The following TTN variants were observed in gnomAD, a reference collection of about 807,000 sequenced individuals.
TTN encodes the protein connectin.
A neutral mutation model predicts 3,223.0 loss-of-function variants in TTN; 1,525 were observed. That is an observed-to-expected ratio of 0.47 (90% confidence interval 0.45 to 0.49). The LOEUF is 0.49. TTN is among the 20% of genes least tolerant of loss of function. The probability of loss-of-function intolerance (pLI) is 0.00; values close to 1 mark genes in which losing one functional copy is unlikely to be tolerated. For synonymous variants in TTN, 14,094 were observed against 15,161.0 expected (o/e 0.93, Z 5.17); for missense variants, 40,786 against 43,424.0 (o/e 0.94, Z 5.40).
rs565791174 is a variant in TTN, at chr2:178,775,571, C to T, written c.6293G>A (p.Arg2098Gln). 21 of 1,614,040 alleles carry T rather than the reference C, an allele frequency of 1.3e-5. No homozygotes were observed. The highest frequency in any genetic ancestry group is 8.9e-5 in the East Asian group (4 of 44,844). The change falls in exon 28 of 363, where the codon CGG (arginine) becomes CAG (glutamine). Residue 2098 changes from arginine (R) to glutamine (Q), a missense_variant. Transcript: ENST00000589042. ...GTCTGGTTTCCCCACGACTCTGACC[C>T]GGAAGTGTGCATCAGATCCTTGGCC... The part of the protein sequence containing the change: ...TVGQGSDAHF[R>Q]VRVVGKPDPE...
At position 178,652,141 on chromosome 2, in the gene TTN, C is replaced by A. The variant is rs72650062; in HGVS notation, c.39250G>T (p.Val13084Leu). ...VPKVAVPEKK[V>L]PEAIPPKPES... ...GGTTTGGGAGGAATAGCTTCAGGCA[C>A]CTTCTTTTCTGGGACAGCTACCTTT... The change falls in exon 204 of 363, where the codon GTG (valine) becomes TTG (leucine). Residue 13084 changes from valine (V) to leucine (L), a missense_variant. Physicochemically the swap from Val to Leu is conservative, Grantham distance 32. Coordinates refer to ENST00000589042, the MANE Select transcript of TTN (RefSeq NM_001267550.2). The A allele has an allele frequency of 2.5e-5, 40 of 1,612,232 alleles. No homozygotes were observed. In the Admixed American group the frequency reaches 3.3e-4, roughly 13 times the overall value.
At chr2:178,700,992 A>G in intron 111 of TTN, 128 bp downstream of exon 111, 1 of 675,910 alleles carries the variant, frequency 1.5e-6, no homozygotes, top group Non-Finnish European at 2.4e-6. Context: ...TTGAGAAAGT[A>G]ATTTACATTT....
Position 178,664,098 on chromosome 2 carries a change from A to C in TTN, c.36281T>G (p.Val12094Gly), listed in dbSNP as rs1414344202. ...GATAATCTCTTTGGGAGCTTCGTGC[A>C]CTTGAAAGATATTAGTATTTTTACA... ...PQRAEVVPVK[V>G]HEAPKEIIPE... Residue 12094 changes from valine (V) to glycine (G), a missense_variant and splice_region_variant, in exon 169 of 363, where the codon GTG becomes GGG. Physicochemically the swap from Val to Gly is moderately radical, Grantham distance 109. Transcript: ENST00000589042. 2 of 1,608,062 alleles carry C rather than the reference A, an allele frequency of 1.2e-6. No homozygotes were observed. The highest frequency in any genetic ancestry group is 1.7e-5 in the Admixed American group (1 of 58,528).
At chr2:178,595,924 G>T in intron 294 of TTN, 115 bp from the exon 295 acceptor site, 1 of 985,618 alleles carries the variant, frequency 1.0e-6, no homozygotes, top group Non-Finnish European at 1.5e-6. Context: ...AAGGTTTTGT[G>T]TCTACTAATT....
In TTN at chr2:178,618,436, C is replaced by G; in HGVS notation, c.47022G>C (p.Val15674=). 2 of 1,612,474 alleles carry G rather than the reference C, an allele frequency of 1.2e-6. No individual in the cohort carries two copies. The highest frequency in any genetic ancestry group is 1.7e-6 in the Non-Finnish European group (2 of 1,179,130). The change falls in exon 252 of 363, where the codon GTG becomes GTC. Residue 15674 remains valine (V), a synonymous_variant. Transcript: ENST00000589042. ...TTAAAGGTTCTTCCCAAGCAAGGCT[C>G]ACTTCACCATCAAATGTTTCTGTCA... ...LEVTETFDGE[V]SLAWEEPLTD...
chr2:178,792,039 C>A (rs1384797295), intron 10 of TTN, 33 bp downstream of exon 10: 1 of 1,606,932 alleles, frequency 6.2e-7, no homozygotes, highest in African/African-American at 1.3e-5. Flanking sequence ...ATATTGTCAA[C>A]AAACTACAAA....
rs2154133391 is a variant in TTN, at chr2:178,531,261, G to A, written c.105354C>T (p.Ser35118=). 1 of 1,613,914 alleles carries A rather than the reference G, an allele frequency of 6.2e-7. No homozygotes were observed. Among genetic ancestry groups the A allele is most frequent in the Non-Finnish European group, 8.5e-7 (1 of 1,179,868 alleles). The part of the protein sequence containing the change: ...ALEEKSLEEK[S]TTRKIKTTLA... ...AAGTCGTCTTGATCTTTCTGGTTGT[G>A]GATTTTTCTTCCAGTGACTTTTCTT... The change falls in exon 358 of 363, where the codon TCC becomes TCT. Residue 35118 remains serine, a synonymous_variant. Coordinates refer to ENST00000589042, the MANE Select transcript of TTN (RefSeq NM_001267550.2).
rs370944002 is a variant in TTN, at chr2:178,756,648, C to T, written c.10828G>A (p.Val3610Met). ...SFQGSSYEYE[V>M]QVFESVSQSS... ...TGAGATACACTTTCAAAAACCTGCACTTCATATTCATATGATGATCCTTGA... is the reference window on the plus strand; with the variant it reads ...TGAGATACACTTTCAAAAACCTGCATTTCATATTCATATGATGATCCTTGA... Residue 3610 changes from valine (V) to methionine (M), a missense_variant, in exon 46 of 363, where the codon GTG becomes ATG. Transcript: ENST00000589042. 2 of 1,613,830 alleles carry T rather than the reference C, an allele frequency of 1.2e-6. No individual in the cohort carries two copies. Among genetic ancestry groups the T allele is most frequent in the East Asian group, 2.2e-5 (1 of 44,850 alleles).
Position 178,692,099 on chromosome 2 carries a change from A to G in TTN, c.31679T>C (p.Val10560Ala). 1 of 1,611,752 alleles carries G rather than the reference A, an allele frequency of 6.2e-7. No individual in the cohort carries two copies. Among genetic ancestry groups the G allele is most frequent in the African/African-American group, 1.3e-5 (1 of 74,960 alleles). ...PKKVEPPAPK[V>A]PEVPKKPVPE... ...CACGGGTTTCTTGGGAACCTCAGGA[A>G]CTTTAAAGATACAATTGTTGAAATA... The change falls in exon 121 of 363, where the codon GTT becomes GCT. Residue 10560 changes from valine to alanine, a missense_variant and splice_region_variant. Val to Ala is a moderately conservative substitution (Grantham distance 64). Transcript: ENST00000589042.
At chr2:178,529,261 G>C in intron 359 of TTN, 42 bp from the exon 360 acceptor site, 1 of 1,355,054 alleles carries the variant, frequency 7.4e-7, no homozygotes. Flanking sequence ...ATTAGAAAGA[G>C]ACCCCCACCT....
chr2:178,713,385 A>AAACAC lies in TTN; in HGVS notation c.26762-14_26762-13insGTGTT. 6.9e-7 allele frequency: 1 copy of AAACAC among 1,457,266 alleles called. No homozygotes were observed. Among genetic ancestry groups the AAACAC allele is most frequent in the South Asian group, 1.5e-5 (1 of 67,876 alleles). The allele number at this position is 1,457,266 out of a possible 1,614,324, so 90.3% of individuals were successfully genotyped here. A position where few individuals can be genotyped will look rare whatever the true frequency, so the allele number is the denominator to read the frequency against. On this transcript the variant is annotated splice_polypyrimidine_tract_variant and intron_variant, in intron 92 of 362. Transcript: ENST00000589042. ...GGAACGGTTCGGTCTGAATGATACA[A>AAACAC]AACAAAACAAAACAAAACAAAACAA... is the stretch of plus-strand genomic sequence containing the variant.
chr2:178,735,474 G>C, intron 50 of TTN, 37 bp downstream of exon 50: 3 of 1,503,162 alleles, frequency 2.0e-6, no homozygotes, highest in Admixed American at 2.4e-5. Context: ...ATTCCTTGCA[G>C]AGAAGGGACT....
In TTN at chr2:178,574,866, C is replaced by T; in HGVS notation, c.71266G>A (p.Gly23756Ser). 1.2e-6 allele frequency: 2 copies of T among 1,612,960 alleles called. No homozygotes were observed. The highest frequency in any genetic ancestry group is 2.2e-5 in the East Asian group (1 of 44,614). Residue 23756 changes from glycine to serine, a missense_variant, in exon 326 of 363, where the codon GGT (glycine) becomes AGT (serine). Transcript: ENST00000589042. ...ACTACATAGTTGCTTATTGGTACAC[C>T]ACCATCGTTCTCAGGTGGGTCCCAA... ...FSWDPPENDG[G>S]VPISNYVVEM...
In TTN at chr2:178,667,239, C is replaced by A. The variant is rs878854299; in HGVS notation, c.35794G>T (p.Glu11932Ter). The stretch of plus-strand genomic sequence containing the variant: ...TTTCCTAACTAGAGAATTATACCTT[C>A]AGTTGGAGGATGTTCTGGAATTTCA... Reference protein sequence around the residue: ...IPEIPEHPPTEEFEVFKEVIP... With the variant: ...IPEIPEHPPT The change falls in exon 162 of 363, where the codon GAA becomes TAA. Residue 11932 changes from glutamate to a stop codon, truncating the protein, a stop_gained. Coordinates refer to ENST00000589042, the MANE Select transcript of TTN (RefSeq NM_001267550.2). LOFTEE classifies it high-confidence loss of function. The A allele has an allele frequency of 1.9e-5, 30 of 1,596,686 alleles. No homozygotes were observed. The highest frequency in any genetic ancestry group is 2.6e-5 in the Non-Finnish European group (30 of 1,171,268).
rs794729499 is a variant in TTN at position 178,569,367 on chromosome 2, T to C, written c.76765A>G (p.Thr25589Ala). 3.7e-6 allele frequency: 6 copies of C among 1,613,328 alleles called. No individual in the cohort carries two copies. The African/African-American group carries it at 5.3e-5, about 14-fold the overall frequency. ...CTCACAGTAACAAAGGCAGACTTTG[T>C]TCCACTGCTGTTTTCTAATGTAAGC... ...YTLTLENSSG[T>A]KSAFVTVRVL... The change falls in exon 326 of 363, where the codon ACA becomes GCA. Residue 25589 changes from threonine to alanine, a missense_variant. Thr to Ala is a moderately conservative substitution (Grantham distance 58). Transcript: ENST00000589042.
At position 178,568,425 on chromosome 2, in the gene TTN, C is replaced by T. The variant is rs570615498; in HGVS notation, c.77707G>A (p.Val25903Ile). 8.8e-5 allele frequency: 142 copies of T among 1,613,156 alleles called. No individual in the cohort carries two copies. Among genetic ancestry groups the T allele is most frequent in the Admixed American group, 1.0e-4 (6 of 59,932 alleles). Residue 25903 changes from valine to isoleucine, a missense_variant, in exon 326 of 363, where the codon GTC becomes ATC. Val to Ile is a conservative substitution (Grantham distance 29, BLOSUM62 3). Coordinates refer to ENST00000589042, the MANE Select transcript of TTN (RefSeq NM_001267550.2). ...PPKGPVKFDD[V>I]SAESITLSWN... ...GATAATGTAATACTTTCAGCACTGACGTCATCAAATTTAACAGGTCCTTTT... is the reference window on the plus strand; with the variant it reads ...GATAATGTAATACTTTCAGCACTGATGTCATCAAATTTAACAGGTCCTTTT...
intron 51 of TTN, 26 bp downstream of exon 51, chr2:178,734,681 A>G: frequency 1.3e-6 from 2 of 1,583,866 alleles, no homozygotes; most frequent in South Asian, 2.3e-5. Context: ...TCAGAAAAAT[A>G]CTGGATGGAA....
chr2:178,807,207 C>G lies in TTN; in HGVS notation c.-14+5G>C, dbSNP rs1220163521. The G allele has an allele frequency of 6.6e-6, 1 of 152,136 alleles. No individual in the cohort carries two copies. The highest frequency in any genetic ancestry group is 1.5e-5 in the Non-Finnish European group (1 of 68,026). The allele number at this position is 152,136 out of a possible 1,614,324, so 9.4% of individuals were successfully genotyped here. ...ACTATTAAAATAAGAAAAGTTGCTG[C>G]TCACCTGATTTCTCAAGAGTGCCTA... On this transcript the variant is annotated splice_donor_5th_base_variant and intron_variant, in intron 1 of 362. Coordinates refer to ENST00000589042, the MANE Select transcript of TTN (RefSeq NM_001267550.2).
rs983508360 is a variant in TTN at position 178,581,423 on chromosome 2, C to G, written c.66769+76G>C. ...ACACCTTGTTAATAAATTAATCTAC[C>G]TAAGGGAGTTCTAGTCTCCCTCTTA... On this transcript the variant is annotated intron_variant, in intron 316 of 362. Transcript: ENST00000589042. 27 of 1,259,010 alleles carry G rather than the reference C, an allele frequency of 2.1e-5. 1 individual carries two copies. In the South Asian group the frequency reaches 4.0e-4, roughly 19 times the overall value. The allele number at this position is 1,259,010 out of a possible 1,614,324, so 78.0% of individuals were successfully genotyped here.
Sources: allele counts gnomAD v4.1 joint callset, GRCh38; gene constraint gnomAD v4.1.1; transcripts MANE v1.5; gene names NCBI Gene and HGNC (gene_info 2026-07-23, HGNC 2026-07-21).